Variants in TENM3 observed in about 807,000 individuals in gnomAD.
The protein encoded by TENM3 is teneurin-3.
In TENM3, 63 loss-of-function variants were observed where a neutral mutation model predicts 255.1. The observed-to-expected ratio is 0.25, with a 90% CI of 0.20 to 0.30. The LOEUF is 0.30. TENM3 is among the 10% of genes least tolerant of loss of function. The pLI is 1.00. For synonymous variants in TENM3, 1,306 were observed against 1,322.3 expected (o/e 0.99, Z 0.27); for missense variants, 2,929 against 3,461.1 (o/e 0.85, Z 3.86).
At chr4:182,209,673 C>T (rs1268991728) in intron 1 of TENM3, among the ~76,000 whole-genome samples, 3 of 152,042 alleles carry the variant, frequency 2.0e-5, no homozygotes, top group African/African-American at 7.3e-5. Context: ...GCGTCTGTTA[C>T]CATTTGATGG....
At chr4:182,151,302 A>G (rs1219064080) in intron 1 of TENM3, among the ~76,000 whole-genome samples, 1 of 152,162 alleles carries the variant, frequency 6.6e-6, no homozygotes, top group Non-Finnish European at 1.5e-5. Context: ...GCATGTGCAA[A>G]TATATGAATA....
chr4:181,624,448 A>G, the TENM3 span, among the ~76,000 whole-genome samples: 32 of 152,228 alleles, frequency 2.1e-4, no homozygotes, highest in African/African-American at 6.5e-4. Context: ...GTGGAAAAAA[A>G]TTAGTAAACA....
At chr4:181,878,979 A>G in the TENM3 span, among the ~76,000 whole-genome samples, 1 of 152,174 alleles carries the variant, frequency 6.6e-6, no homozygotes, top group Non-Finnish European at 1.5e-5. Flanking sequence ...GTGGAAGGGT[A>G]GAGTTCTAGT....
At chr4:181,912,634 A>T in the TENM3 span, among the ~76,000 whole-genome samples, 187 of 151,942 alleles carry the variant, frequency 1.2e-3, no homozygotes, top group Non-Finnish European at 1.9e-3. Flanking sequence ...CTCTACTAAA[A>T]ATACAAATTA....
At chr4:181,541,825 C>G in the TENM3 span, among the ~76,000 whole-genome samples, 1 of 152,186 alleles carries the variant, frequency 6.6e-6, no homozygotes, top group Non-Finnish European at 1.5e-5. Context: ...GATAATTTTA[C>G]TCTAAGAAAG....
At chr4:181,898,446 T>A in the TENM3 span, among the ~76,000 whole-genome samples, 1 of 152,184 alleles carries the variant, frequency 6.6e-6, no homozygotes. Flanking sequence ...AAATTTCCTC[T>A]GATTATTAAC....
At chr4:182,279,869 A>G (rs1206123026) in intron 1 of TENM3, among the ~76,000 whole-genome samples, 1 of 152,130 alleles carries the variant, frequency 6.6e-6, no homozygotes, top group Non-Finnish European at 1.5e-5. Context: ...TAAGGGTTTC[A>G]TACCAGTTTT....
rs571199781 is a variant in TENM3, at chr4:182,620,558, T to C, written c.750-8093T>C. ...ATTTTTACATGTATATTTTCACATA[T>C]CTATTTTGAGGCCTAATTTTACCTG... On this transcript the variant is annotated intron_variant, in intron 4 of 27. Coordinates refer to ENST00000511685, the MANE Select transcript of TENM3 (RefSeq NM_001080477.4). Among the ~76,000 whole-genome samples the C allele has an allele frequency of 3.9e-5, 6 of 152,344 alleles. No individual in the cohort carries two copies. In the South Asian group the frequency reaches 1.2e-3, roughly 32 times the overall value.
intron 1 of TENM3, among the ~76,000 whole-genome samples, chr4:182,184,771 A>G (rs868649114): frequency 6.6e-6 from 1 of 152,158 alleles, no homozygotes; most frequent in Middle Eastern, 3.4e-3. Context: ...AGCTAAAATT[A>G]TTTTGTTATA....
At chr4:182,473,660 G>A (rs1328877678) in intron 3 of TENM3, among the ~76,000 whole-genome samples, 2 of 152,000 alleles carry the variant, frequency 1.3e-5, no homozygotes, top group Admixed American at 6.5e-5. Flanking sequence ...GCGACAGAGC[G>A]AGACTTCATC....
At position 182,799,699 on chromosome 4, in the gene TENM3, C is replaced by T. The variant is rs1217224548; in HGVS notation, c.7448C>T (p.Ala2483Val). Reference sequence around the variant, plus strand: ...GTGAGCCGGCGCCGGGCCGGCGGCGCGCAGTCCTGGCTGTGGTTCGCCACG... The same window carrying T: ...GTGAGCCGGCGCCGGGCCGGCGGCGTGCAGTCCTGGCTGTGGTTCGCCACG... Reference protein sequence around the residue: ...VQVSRRRAGGAQSWLWFATVK... With the variant: ...VQVSRRRAGGVQSWLWFATVK... Residue 2483 changes from alanine (A) to valine (V), a missense_variant, in exon 28 of 28, where the codon GCG becomes GTG. By Grantham distance (64) the Ala-to-Val change is moderately conservative. Around this residue, in one of 6 missense-constraint regions of TENM3, gnomAD observed 476 missense variants for 480.1 expected, o/e 0.99. Coordinates refer to ENST00000511685, the MANE Select transcript of TENM3 (RefSeq NM_001080477.4). The surrounding 1 kb of genome is among the most constrained non-coding windows in gnomAD (Gnocchi z 4.2). The T allele has an allele frequency of 3.2e-6, 5 of 1,549,892 alleles. No individual in the cohort carries two copies. The highest frequency in any genetic ancestry group is 1.4e-5 in the African/African-American group (1 of 73,026).
chr4:182,128,874 A>G, the TENM3 span, among the ~76,000 whole-genome samples: 2 of 152,224 alleles, frequency 1.3e-5, no homozygotes, highest in African/African-American at 4.8e-5. Flanking sequence ...GTTTGTTATT[A>G]CTATCCAGTT....
intron 1 of TENM3, among the ~76,000 whole-genome samples, chr4:182,228,007 T>C (rs1756290644): frequency 6.6e-6 from 1 of 152,132 alleles, no homozygotes; most frequent in African/African-American, 2.4e-5. Flanking sequence ...ACCTCCCTCA[T>C]ATTTGGAGTG....
chr4:181,902,107 A>G, the TENM3 span, among the ~76,000 whole-genome samples: 1 of 75,474 alleles, frequency 1.3e-5, no homozygotes, highest in East Asian at 3.9e-4. Flanking sequence ...ATGCGTGTGC[A>G]TGTGAGCATA....
the TENM3 span, among the ~76,000 whole-genome samples, chr4:181,677,477 C>T: frequency 6.6e-6 from 1 of 152,034 alleles, no homozygotes; most frequent in Non-Finnish European, 1.5e-5. Flanking sequence ...CTAAGAAGTC[C>T]TCTGGTCTTT....
chr4:182,597,909 G>C (rs1747422150), intron 3 of TENM3, among the ~76,000 whole-genome samples: 1 of 152,214 alleles, frequency 6.6e-6, no homozygotes, highest in Admixed American at 6.5e-5. Flanking sequence ...GCCAGGCACA[G>C]TGGCTCATGC....
intron 3 of TENM3, among the ~76,000 whole-genome samples, chr4:182,406,305 A>T (rs1212797838): frequency 6.6e-6 from 1 of 152,130 alleles, no homozygotes; most frequent in African/African-American, 2.4e-5. Context: ...ACTCCATCAA[A>T]AAAAATAAAA....
At chr4:181,794,879 CA>C in the TENM3 span, among the ~76,000 whole-genome samples, 1 of 152,114 alleles carries the variant, frequency 6.6e-6, no homozygotes, top group Admixed American at 6.5e-5. Context: ...TACTTCAGAG[CA>C]CCTTTTTCAC....
the TENM3 span, among the ~76,000 whole-genome samples, chr4:182,133,620 G>A: frequency 6.6e-6 from 1 of 152,238 alleles, no homozygotes; most frequent in Non-Finnish European, 1.5e-5. Context: ...TGCCATCTCA[G>A]TTTATAACAT....
Sources: gnomAD v4.1 joint callset for allele counts (sites outside exome capture counted in the v4.1 genomes callset) on GRCh38, gnomAD v4.1.1 for gene constraint, gnomAD v4.1.1 regional missense constraint, Gnocchi (gnomAD v3.1) non-coding constraint, MANE v1.5 for transcripts, NCBI Gene and HGNC (gene_info 2026-07-23, HGNC 2026-07-21) for gene names.